The following PDE8B variants were observed in gnomAD, a reference collection of about 807,000 sequenced individuals.
The protein encoded by PDE8B is high affinity cAMP-specific and IBMX-insensitive 3',5'-cyclic phosphodiesterase 8B.
Under a neutral mutation model 101.3 loss-of-function variants are expected in PDE8B, and 26 were observed. The observed-to-expected ratio is 0.26, with a 90% confidence interval of 0.19 to 0.36. The LOEUF is 0.36. Among genes scored for constraint, PDE8B ranks in the 10% least tolerant of loss-of-function variants. The pLI, the probability that PDE8B is intolerant of heterozygous loss-of-function variation, is 1.00. For synonymous variants in PDE8B, 424 were observed against 429.3 expected (o/e 0.99, Z 0.15); for missense variants, 810 against 1,163.1 (o/e 0.70, Z 4.42).
intron 16 of PDE8B, among the ~76,000 whole-genome samples, chr5:77,412,613 C>CT (rs1281073847): frequency 2.0e-5 from 3 of 150,854 alleles, no homozygotes; most frequent in South Asian, 2.1e-4. Flanking sequence ...ACTGAAAGGT[C>CT]TTTTTCTATA....
chr5:77,172,840 T>A, the PDE8B span, among the ~76,000 whole-genome samples: 1 of 152,162 alleles, frequency 6.6e-6, no homozygotes, highest in African/African-American at 2.4e-5. Flanking sequence ...ATGGAAGGAC[T>A]TTTCCACTTG....
chr5:77,162,528 A>C, the PDE8B span, among the ~76,000 whole-genome samples: 1 of 152,220 alleles, frequency 6.6e-6, no homozygotes, highest in African/African-American at 2.4e-5. Context: ...ACTTAGAATA[A>C]AGCTACAGTA....
intron 1 of PDE8B, among the ~76,000 whole-genome samples, chr5:77,244,722 A>G (rs1403905180): frequency 6.6e-6 from 1 of 152,128 alleles, no homozygotes; most frequent in African/African-American, 2.4e-5. Flanking sequence ...CATTTGATTA[A>G]GCAAGACACT....
chr5:77,426,623 G>T lies in PDE8B; in HGVS notation c.*69G>T, dbSNP rs1798196465. ...TGAATCACAGTAGCGTAAACGAGAG[G>T]CCTTCCTTTCTAATGACAATGACAG... On this transcript the variant is annotated 3_prime_UTR_variant, in exon 22 of 22. Transcript: ENST00000264917. 1.3e-6 allele frequency: 1 copy of T among 798,962 alleles called. No individual in the cohort carries two copies. 49.5% of individuals were successfully genotyped at this position (798,962 alleles called of 1,614,324 possible). A position where few individuals can be genotyped will look rare whatever the true frequency, so the allele number is the denominator to read the frequency against.
chr5:77,291,815 A>G (rs1245080935), intron 1 of PDE8B: 1 of 1,557,686 alleles, frequency 6.4e-7, no homozygotes, highest in Non-Finnish European at 8.8e-7. Context: ...GGTGTTTTAG[A>G]TGAACATCCC....
chr5:77,225,024 T>G (rs1752024334), intron 1 of PDE8B, among the ~76,000 whole-genome samples: 1 of 152,158 alleles, frequency 6.6e-6, no homozygotes, highest in East Asian at 1.9e-4. Context: ...AGGAGGCACA[T>G]GATGTCTGGT....
At chr5:77,093,078 G>T in the PDE8B span, among the ~76,000 whole-genome samples, 1 of 152,164 alleles carries the variant, frequency 6.6e-6, no homozygotes, top group Admixed American at 6.5e-5. Flanking sequence ...TCTTGTTTTT[G>T]GTATAAGAGT....
intron 9 of PDE8B, among the ~76,000 whole-genome samples, chr5:77,352,807 A>G (rs76307740): frequency 0.015 from 2,237 of 152,286 alleles, 59 homozygotes; most frequent in African/African-American, 0.051. Flanking sequence ...TCCTTGTGAC[A>G]GTGATAAAGA....
At chr5:77,378,136 T>C (rs1006331161) in intron 10 of PDE8B, among the ~76,000 whole-genome samples, 4 of 151,884 alleles carry the variant, frequency 2.6e-5, no homozygotes. Flanking sequence ...TTAGTAAAGC[T>C]CTGTAAGTTC....
At chr5:77,226,712 G>C (rs751792858) in intron 1 of PDE8B, among the ~76,000 whole-genome samples, 2 of 152,156 alleles carry the variant, frequency 1.3e-5, no homozygotes, top group Non-Finnish European at 2.9e-5. Context: ...TTGTAAAATA[G>C]TAATATAGTT....
At chr5:77,259,441 C>T (rs1250817926) in intron 1 of PDE8B, among the ~76,000 whole-genome samples, 2 of 152,234 alleles carry the variant, frequency 1.3e-5, no homozygotes, top group Non-Finnish European at 2.9e-5. Context: ...CTCCTAAAAA[C>T]CCTTCTGCAC....
intron 1 of PDE8B, chr5:77,290,343 G>A (rs1479356445): frequency 3.2e-5 from 47 of 1,450,246 alleles, no homozygotes; most frequent in Admixed American, 8.4e-5. Context: ...AAATGAGGGC[G>A]TGTATAATGG....
the PDE8B span, chr5:77,114,908 C>A: frequency 3.3e-5 from 5 of 152,012 alleles, no homozygotes; most frequent in African/African-American, 4.8e-5. Context: ...ACCTGAATTG[C>A]AATAATGAAG....
intron 1 of PDE8B, among the ~76,000 whole-genome samples, chr5:77,224,827 T>C (rs1222536690): frequency 6.6e-6 from 1 of 152,238 alleles, no homozygotes; most frequent in Non-Finnish European, 1.5e-5. Context: ...CTGGGTCATT[T>C]GTCCAGCAGA....
chr5:77,119,257 TG>T, the PDE8B span: 1 of 152,206 alleles, frequency 6.6e-6, no homozygotes, highest in South Asian at 2.1e-4. Flanking sequence ...TGGAAAGGTC[TG>T]GCACTTTCTT....
At chr5:77,399,926 A>G (rs536330368) in intron 10 of PDE8B, among the ~76,000 whole-genome samples, 1 of 152,352 alleles carries the variant, frequency 6.6e-6, no homozygotes, top group South Asian at 2.1e-4. Flanking sequence ...AAATTTAGTT[A>G]TATCTTTTAT....
chr5:77,267,457 G>T (rs1483130180), intron 1 of PDE8B, among the ~76,000 whole-genome samples: 1 of 149,126 alleles, frequency 6.7e-6, no homozygotes, highest in Non-Finnish European at 1.5e-5. Context: ...AAAAAAAAAG[G>T]GTGGAAAACA....
intron 2 of PDE8B, among the ~76,000 whole-genome samples, chr5:77,322,990 T>C (rs1190042596): frequency 6.6e-6 from 1 of 152,234 alleles, no homozygotes; most frequent in Non-Finnish European, 1.5e-5. Context: ...CAAGGAAATA[T>C]AAATTGCTGA....
intron 2 of PDE8B, among the ~76,000 whole-genome samples, chr5:77,319,900 T>G (rs1334392573): frequency 1.3e-5 from 2 of 152,246 alleles, no homozygotes; most frequent in Non-Finnish European, 2.9e-5. Flanking sequence ...TGGCAAGCAC[T>G]GTCCAAACTA....
Sources: allele counts gnomAD v4.1 joint callset (sites outside exome capture counted in the v4.1 genomes callset), GRCh38; gene constraint gnomAD v4.1.1; transcripts MANE v1.5; gene names NCBI Gene and HGNC (gene_info 2026-07-23, HGNC 2026-07-21).